TMEM216: variants seen among roughly 807,000 people sequenced by gnomAD.
The protein encoded by TMEM216 is transmembrane protein 216.
In TMEM216, 15 loss-of-function variants were observed where a neutral mutation model predicts 17.8. The observed-to-expected ratio is 0.84, with a 90% CI of 0.56 to 1.30. The LOEUF is 1.30. Ranked by LOEUF, TMEM216 falls within the 50% of genes most tolerant of loss-of-function variation. The pLI is 0.00. For synonymous variants in TMEM216, 58 were observed against 73.5 expected, an observed-to-expected ratio of 0.79 and a Z score of 1.08; for missense variants, 160 against 175.7, an observed-to-expected ratio of 0.91 and a Z score of 0.51.
intron 1 of TMEM216, 100 bp downstream of exon 1, chr11:61,392,765 G>C (rs1357506213): frequency 2.6e-6 from 4 of 1,529,478 alleles, no homozygotes; most frequent in Non-Finnish European, 3.5e-6. Context: ...ATTCTCTAGC[G>C]TTAGGGACGT....
At chr11:61,392,856 T>C in intron 1 of TMEM216, 191 bp downstream of exon 1, 3 of 985,346 alleles carry the variant, frequency 3.0e-6, no homozygotes, top group Non-Finnish European at 3.6e-6. Flanking sequence ...ACAGCTCAAA[T>C]AAACGCAGAT....
At position 61,393,893 on chromosome 11, in the gene TMEM216, T is replaced by C. The variant is rs758251839; in HGVS notation, c.146T>C (p.Leu49Pro). Reference protein sequence around the residue: ...LFIFLYKGVLLPYPTANLVLD... With the variant: ...LFIFLYKGVLPPYPTANLVLD... ...GCTTTTGTATTGGCAGGTGTCCTGC[T>C]ACCATATCCAACAGCTAACCTAGTA... Residue 49 changes from leucine to proline, a missense_variant, in exon 3 of 5, where the codon CTA becomes CCA. Transcript: ENST00000515837. 6.2e-7 allele frequency: 1 copy of C among 1,613,818 alleles called. No homozygotes were observed. Among genetic ancestry groups the C allele is most frequent in the South Asian group, 1.1e-5 (1 of 91,064 alleles).
At chr11:61,396,530 C>T (rs577791896) in intron 3 of TMEM216, among the ~76,000 whole-genome samples, 58 of 152,088 alleles carry the variant, frequency 3.8e-4, no homozygotes, top group African/African-American at 1.3e-3. Context: ...CAGTGGCTCA[C>T]GCCTGTAATC....
At chr11:61,394,551 T>C (rs1044571813) in intron 3 of TMEM216, among the ~76,000 whole-genome samples, 14 of 151,626 alleles carry the variant, frequency 9.2e-5, no homozygotes, top group African/African-American at 3.4e-4. Context: ...GTATTTTTAA[T>C]AGAGACGGGG....
At chr11:61,398,226 C>T in intron 4 of TMEM216, 44 bp from the exon 5 acceptor site, 1 of 1,598,614 alleles carries the variant, frequency 6.3e-7, no homozygotes, top group Non-Finnish European at 8.5e-7. Context: ...CTCTCATTCA[C>T]TGGTCTTTTA....
rs772853244 is a variant in TMEM216, at chr11:61,398,318, A to G, written c.*42A>G. ...CAGCAGCCCATCAGGCTGACACCAC[A>G]CATATTGCTTCTGGTACTTTAGCCA... On this transcript the variant is annotated 3_prime_UTR_variant, in exon 5 of 5. Coordinates refer to ENST00000515837, the MANE Select transcript of TMEM216 (RefSeq NM_001173990.3). 1.6e-5 allele frequency: 26 copies of G among 1,603,790 alleles called. No individual in the cohort carries two copies. Among genetic ancestry groups the G allele is most frequent in the Admixed American group, 3.4e-5 (2 of 59,358 alleles).
intron 3 of TMEM216, among the ~76,000 whole-genome samples, chr11:61,396,457 G>A (rs760355868): frequency 2.6e-5 from 4 of 151,248 alleles, no homozygotes; most frequent in African/African-American, 9.7e-5. Flanking sequence ...CTAGCCTGGC[G>A]AGAGAGCTAG....
chr11:61,397,917 CTCT>C lies in TMEM216; in HGVS notation c.380_382del (p.Phe127del). The C allele has an allele frequency of 6.2e-7, 1 of 1,614,030 alleles. No homozygotes were observed. Among genetic ancestry groups the C allele is most frequent in the Non-Finnish European group, 8.5e-7 (1 of 1,179,896 alleles). On this transcript the variant is annotated inframe_deletion, in exon 4 of 5. Transcript: ENST00000515837. ...GGAAGCCATCATGAATGGCATCTTG[CTCT>C]TCTTCTGTGGCTCAGAGCTTTTACT...
chr11:61,393,170 C>T lies in TMEM216; in HGVS notation c.35-61C>T, dbSNP rs1858715340. 3.1e-6 allele frequency: 4 copies of T among 1,304,264 alleles called. 1 individual carries two copies. In the South Asian group the frequency reaches 5.4e-5, roughly 17 times the overall value. The allele number at this position is 1,304,264 out of a possible 1,614,324, so 80.8% of individuals were successfully genotyped here. The stretch of plus-strand genomic sequence containing the variant: ...GTTTCCCCAAAGTTAGACACCAACC[C>T]ATACGAGCAGAGAGGGAGCTGCCTT... On this transcript the variant is annotated intron_variant, in intron 1 of 4. Coordinates refer to ENST00000515837, the MANE Select transcript of TMEM216 (RefSeq NM_001173990.3).
At chr11:61,395,692 C>T (rs576441931) in intron 3 of TMEM216, among the ~76,000 whole-genome samples, 19 of 151,190 alleles carry the variant, frequency 1.3e-4, no homozygotes, top group Non-Finnish European at 2.2e-4. Context: ...GCCAAGATCG[C>T]CCACTGCACT....
Position 61,398,460 on chromosome 11 carries a change from A to T in TMEM216, c.*184A>T. ...GCCAGTGGGTACCATCTTCTAAACCAGGACCATCAGCCCAAGAGACTCTTC... is the reference window on the plus strand; with the variant it reads ...GCCAGTGGGTACCATCTTCTAAACCTGGACCATCAGCCCAAGAGACTCTTC... On this transcript the variant is annotated 3_prime_UTR_variant, in exon 5 of 5. Coordinates refer to ENST00000515837, the MANE Select transcript of TMEM216 (RefSeq NM_001173990.3). 1.6e-6 allele frequency: 1 copy of T among 633,130 alleles called. No homozygotes were observed. The highest frequency in any genetic ancestry group is 2.0e-5 in the South Asian group (1 of 50,712). 39.2% of individuals were successfully genotyped at this position (633,130 alleles called of 1,614,324 possible).
intron 1 of TMEM216, 48 bp from the exon 2 acceptor site, chr11:61,393,183 A>G (rs1858715926): frequency 1.4e-6 from 2 of 1,406,302 alleles, no homozygotes; most frequent in East Asian, 2.5e-5. Flanking sequence ...ACGAGCAGAG[A>G]GGGAGCTGCC....
intron 3 of TMEM216, 89 bp from the exon 4 acceptor site, chr11:61,397,685 C>T (rs1335633118): frequency 1.6e-6 from 2 of 1,228,386 alleles, no homozygotes; most frequent in Admixed American, 1.9e-5. Flanking sequence ...TTTTTTGTGC[C>T]TTGCCATTCC....
chr11:61,395,443 ATAACTT>A (rs1464728238), intron 3 of TMEM216, among the ~76,000 whole-genome samples: 1 of 152,118 alleles, frequency 6.6e-6, no homozygotes, highest in Non-Finnish European at 1.5e-5. Flanking sequence ...AAAAAACAAA[ATAACTT>A]TAAAAATTGG....
At position 61,393,934 on chromosome 11, in the gene TMEM216, C is replaced by T; in HGVS notation, c.187C>T (p.Leu63Phe). 1.2e-6 allele frequency: 2 copies of T among 1,613,960 alleles called. No individual in the cohort carries two copies. Among genetic ancestry groups the T allele is most frequent in the Non-Finnish European group, 1.7e-6 (2 of 1,179,868 alleles). The change falls in exon 3 of 5, where the codon CTC becomes TTC. Residue 63 changes from leucine to phenylalanine, a missense_variant. Physicochemically the swap from Leu to Phe is conservative, Grantham distance 22 (BLOSUM62 0). Coordinates refer to ENST00000515837, the MANE Select transcript of TMEM216 (RefSeq NM_001173990.3). ...TAACCTAGTACTGGATGTGGTGATGCTCCTCCTTTATCTTGGAATTGAAGT... is the reference window on the plus strand; with the variant it reads ...TAACCTAGTACTGGATGTGGTGATGTTCCTCCTTTATCTTGGAATTGAAGT... The part of the protein sequence containing the change: ...TANLVLDVVM[L>F]LLYLGIEVIR...
chr11:61,396,187 A>T (rs1858793983), intron 3 of TMEM216, among the ~76,000 whole-genome samples: 1 of 152,204 alleles, frequency 6.6e-6, no homozygotes, highest in Admixed American at 6.5e-5. Context: ...ATAACCATTA[A>T]AAAAGAACAG....
chr11:61,394,255 G>A (rs1858748256), intron 3 of TMEM216: 1 of 412,874 alleles, frequency 2.4e-6, no homozygotes. Context: ...CTTCTCACTA[G>A]TATTCTTAGG....
rs1056046757 is a variant in TMEM216, at chr11:61,393,067, A to T, written c.35-164A>T. Reference sequence around the variant, plus strand: ...AAGGAGGGAAGCCCCCTCCACTCCCACCCCCGTACCCTCGCCCCCTCATTA... The same window carrying T: ...AAGGAGGGAAGCCCCCTCCACTCCCTCCCCCGTACCCTCGCCCCCTCATTA... On this transcript the variant is annotated intron_variant, in intron 1 of 4. Coordinates refer to ENST00000515837, the MANE Select transcript of TMEM216 (RefSeq NM_001173990.3). Among the ~76,000 whole-genome samples the T allele has an allele frequency of 3.0e-5, 4 of 132,334 alleles. No individual in the cohort carries two copies. The Admixed American group carries it at 3.1e-4, about 10-fold the overall frequency. The allele number at this position is 132,334 out of a possible 152,430, so 86.8% of individuals were successfully genotyped here.
At chr11:61,396,085 A>G (rs1310640494) in intron 3 of TMEM216, among the ~76,000 whole-genome samples, 1 of 152,258 alleles carries the variant, frequency 6.6e-6, no homozygotes, top group Non-Finnish European at 1.5e-5. Context: ...ATTGCCAAAA[A>G]TTTGGTAACA....
Sources: gnomAD v4.1 joint callset for allele counts (sites outside exome capture counted in the v4.1 genomes callset) on GRCh38, gnomAD v4.1.1 for gene constraint, MANE v1.5 for transcripts, NCBI Gene and HGNC (gene_info 2026-07-23, HGNC 2026-07-21) for gene names.